The following DLG2 variants were observed in gnomAD, a reference collection of about 807,000 sequenced individuals.
The protein encoded by DLG2 is discs large MAGUK scaffold protein 2, also known as disks large homolog 2.
DLG2 carries 45 observed loss-of-function variants against 132.5 expected under a neutral mutation model. The ratio of observed to expected loss-of-function variants is 0.34; its 90% CI spans 0.27 to 0.44. The LOEUF (loss-of-function observed/expected upper bound fraction) is 0.44, where lower values mean the gene tolerates loss of function less well. Ranked by LOEUF, DLG2 falls within the 20% of genes least tolerant of loss-of-function variation. The pLI, the probability that DLG2 is intolerant of heterozygous loss-of-function variation, is 1.00. For missense variants in DLG2, 1,045 were observed against 1,196.9 expected, an observed-to-expected ratio of 0.87 and a Z score of 1.87; for synonymous variants, 424 against 419.6, an observed-to-expected ratio of 1.01 and a Z score of -0.13.
Position 84,590,664 on chromosome 11 carries a change from A to C in DLG2, c.358-55933T>G, listed in dbSNP as rs11821834. Among the ~76,000 whole-genome samples, 1,118 of 152,290 alleles carry C rather than the reference A, an allele frequency of 7.3e-3. 18 individuals are homozygous for C. The highest frequency in any genetic ancestry group is 0.025 in the African/African-American group (1,030 of 41,560). On this transcript the variant is annotated intron_variant, in intron 6 of 27. Transcript: ENST00000376104. ...CAATGGTAAAGTGCTATAGTCTAAC[A>C]TATGAAGGTGTTCCTTACCTTCATA...
intron 3 of DLG2, among the ~76,000 whole-genome samples, chr11:85,509,553 A>G (rs889631933): frequency 1.3e-5 from 2 of 152,082 alleles, no homozygotes; most frequent in Admixed American, 1.3e-4. Flanking sequence ...CTTGTGAAAG[A>G]CAAACACACG....
At chr11:84,420,767 C>G in intron 7 of DLG2, among the ~76,000 whole-genome samples, 2 of 146,734 alleles carry the variant, frequency 1.4e-5, no homozygotes, top group Non-Finnish European at 3.0e-5. Flanking sequence ...CTCCCGGGTT[C>G]ACGCCATTCT....
At position 85,307,024 on chromosome 11, in the gene DLG2, AG is replaced by A. The variant is rs1216289233; in HGVS notation, c.41-21660del. Reference sequence around the variant, plus strand: ...AAGAAGAAATGCAAAGGCTGCAAGGAGGGGGGATGAAAAATACTGCAAGAAA... The same window carrying A: ...AAGAAGAAATGCAAAGGCTGCAAGGAGGGGGATGAAAAATACTGCAAGAAA... On this transcript the variant is annotated intron_variant, in intron 3 of 27. Coordinates refer to ENST00000376104, the MANE Select transcript of DLG2 (RefSeq NM_001142699.3). Among the ~76,000 whole-genome samples the A allele has an allele frequency of 2.0e-5, 3 of 152,194 alleles. No homozygotes were observed. In the East Asian group the frequency reaches 5.8e-4, roughly 29 times the overall value.
At chr11:84,434,389 G>A (rs2098994250) in intron 7 of DLG2, among the ~76,000 whole-genome samples, 1 of 152,022 alleles carries the variant, frequency 6.6e-6, no homozygotes, top group South Asian at 2.1e-4. Context: ...ACAGATTAGT[G>A]GATCTAGAAG....
chr11:83,741,534 T>C (rs190938769), intron 18 of DLG2, among the ~76,000 whole-genome samples: 1 of 152,062 alleles, frequency 6.6e-6, no homozygotes, highest in South Asian at 2.1e-4. Flanking sequence ...AGTAATATCA[T>C]GAACACAATC....
chr11:85,091,114 AT>A lies in DLG2; in HGVS notation c.357+20546del, dbSNP rs2068700604. On this transcript the variant is annotated intron_variant, in intron 6 of 27. Coordinates refer to ENST00000376104, the MANE Select transcript of DLG2 (RefSeq NM_001142699.3). ...TGCCCCTACAACCCAAACACCTCCC[AT>A]TTGGTTCCACCTCCAACACTGGGGA... 2.6e-5 allele frequency among the ~76,000 whole-genome samples: 4 copies of A among 152,294 alleles called. No homozygotes were observed. In the South Asian group the frequency reaches 8.3e-4, roughly 32 times the overall value.
At chr11:84,255,891 G>C (rs537686222) in intron 7 of DLG2, among the ~76,000 whole-genome samples, 1 of 151,790 alleles carries the variant, frequency 6.6e-6, no homozygotes, top group Non-Finnish European at 1.5e-5. Flanking sequence ...CTTTTTTTGT[G>C]TTGTTTGCCT....
chr11:84,892,182 G>A (rs1601011618), intron 6 of DLG2, among the ~76,000 whole-genome samples: 2 of 152,140 alleles, frequency 1.3e-5, no homozygotes, highest in Admixed American at 6.6e-5. Context: ...ACACATGAAA[G>A]GCAACTGATG....
chr11:84,292,271 C>G (rs191018799), intron 7 of DLG2, among the ~76,000 whole-genome samples: 1 of 152,182 alleles, frequency 6.6e-6, no homozygotes, highest in East Asian at 1.9e-4. Flanking sequence ...TCACCTCATG[C>G]CTATAGTTAC....
intron 8 of DLG2, among the ~76,000 whole-genome samples, chr11:84,194,642 C>T (rs756304189): frequency 2.6e-5 from 4 of 152,176 alleles, no homozygotes; most frequent in Admixed American, 6.5e-5. Context: ...CTGAGCTAGA[C>T]ACAGAGTGCT....
chr11:84,453,588 T>G (rs765648883), intron 7 of DLG2, among the ~76,000 whole-genome samples: 7 of 151,706 alleles, frequency 4.6e-5, no homozygotes, highest in Non-Finnish European at 8.9e-5. Flanking sequence ...TTAAGATGAC[T>G]ACCAAATCTA....
intron 9 of DLG2, among the ~76,000 whole-genome samples, chr11:84,102,347 T>C (rs1310751243): frequency 1.3e-5 from 2 of 152,118 alleles, no homozygotes; most frequent in African/African-American, 4.8e-5. Context: ...TGACAATAAA[T>C]ACTTGATGAA....
In DLG2 at chr11:84,119,203, C is replaced by T. The variant is rs2093784573; in HGVS notation, c.625-20156G>A. Among the ~76,000 whole-genome samples, 3 of 151,828 alleles carry T rather than the reference C, an allele frequency of 2.0e-5. No individual in the cohort carries two copies. The South Asian group carries it at 6.2e-4, about 31-fold the overall frequency. The stretch of plus-strand genomic sequence containing the variant: ...CGACAGCTTCTTCAGAAGGTCAGGG[C>T]ACAAATCTCTGGTAGCAAAGCACAA... On this transcript the variant is annotated intron_variant, in intron 9 of 27. Transcript: ENST00000376104.
chr11:84,258,584 G>C (rs1349399082), intron 7 of DLG2, among the ~76,000 whole-genome samples: 1 of 152,066 alleles, frequency 6.6e-6, no homozygotes, highest in Admixed American at 6.6e-5. Context: ...AAGAAGGAAG[G>C]AATGAAAGAA....
intron 7 of DLG2, among the ~76,000 whole-genome samples, chr11:84,518,983 G>A (rs996576035): frequency 2.6e-5 from 4 of 152,036 alleles, no homozygotes; most frequent in Non-Finnish European, 1.5e-5. Context: ...CATAAAGCCT[G>A]GAAATCCTCC....
chr11:83,460,796 G>A (rs1232174759), intron 27 of DLG2, among the ~76,000 whole-genome samples: 2 of 152,064 alleles, frequency 1.3e-5, no homozygotes, highest in African/African-American at 4.8e-5. Flanking sequence ...CTGTCAAAAT[G>A]TACACTTTTG....
At chr11:84,198,703 C>A (rs1482707035) in intron 8 of DLG2, among the ~76,000 whole-genome samples, 1 of 151,960 alleles carries the variant, frequency 6.6e-6, no homozygotes, top group African/African-American at 2.4e-5. Context: ...GAGTGCTAAC[C>A]CTTTATCACT....
chr11:84,717,848 T>C (rs140081545), intron 6 of DLG2, among the ~76,000 whole-genome samples: 5 of 152,180 alleles, frequency 3.3e-5, no homozygotes, highest in African/African-American at 1.2e-4. Context: ...TTAACTGTTA[T>C]TTCTCACAAT....
chr11:85,497,144 C>A (rs893153255), intron 3 of DLG2, among the ~76,000 whole-genome samples: 2 of 151,928 alleles, frequency 1.3e-5, no homozygotes, highest in Non-Finnish European at 2.9e-5. Context: ...GCTAAAGAAG[C>A]ATGTTCTAAC....
Sources: gnomAD v4.1 joint callset for allele counts (sites outside exome capture counted in the v4.1 genomes callset) on GRCh38, gnomAD v4.1.1 for gene constraint, MANE v1.5 for transcripts, NCBI Gene and HGNC (gene_info 2026-07-23, HGNC 2026-07-21) for gene names.